Variants in EPHA3 observed in about 807,000 individuals in gnomAD.
The protein encoded by EPHA3 is EPH receptor A3.
In EPHA3, 42 loss-of-function variants were observed where a neutral mutation model predicts 107.1. The observed-to-expected ratio is 0.39, with a 90% CI of 0.31 to 0.51. The LOEUF is 0.51. EPHA3 is among the 20% of genes least tolerant of loss of function. The pLI, the probability that EPHA3 is intolerant of heterozygous loss-of-function variation, is 0.78. For missense variants in EPHA3, 1,183 were observed against 1,211.2 expected (o/e 0.98, Z 0.35); for synonymous variants, 461 against 424.8 (o/e 1.09, Z -1.05).
At chr3:89,209,546 T>A (rs1201255168) in intron 2 of EPHA3, among the ~76,000 whole-genome samples, 3 of 152,068 alleles carry the variant, frequency 2.0e-5, no homozygotes, top group African/African-American at 7.2e-5. Flanking sequence ...TATGAGAAAA[T>A]AATATTATAG....
At chr3:89,281,004 ATTATTTATTTATTTAT>A (rs372696481) in intron 3 of EPHA3, among the ~76,000 whole-genome samples, 1 of 147,280 alleles carries the variant, frequency 6.8e-6, no homozygotes, top group South Asian at 2.1e-4. Context: ...CAAGATTTTT[ATTATTTATTTATTTAT>A]TTATTTATTT....
chr3:89,459,645 C>A (rs564133962), intron 15 of EPHA3, among the ~76,000 whole-genome samples: 1 of 152,236 alleles, frequency 6.6e-6, no homozygotes, highest in African/African-American at 2.4e-5. Flanking sequence ...GCCTCAGCCT[C>A]CTGAGTATCT....
chr3:89,409,715 A>G (rs1230163757), intron 9 of EPHA3, among the ~76,000 whole-genome samples: 3 of 152,038 alleles, frequency 2.0e-5, no homozygotes, highest in Admixed American at 1.3e-4. Flanking sequence ...GGTTTATTTC[A>G]GACCTTTTAT....
intron 2 of EPHA3, among the ~76,000 whole-genome samples, chr3:89,190,179 A>G (rs1705674798): frequency 6.6e-6 from 1 of 152,056 alleles, no homozygotes; most frequent in Non-Finnish European, 1.5e-5. Context: ...TCCTTTACTT[A>G]TTTTTTTAAC....
At chr3:89,171,431 A>G (rs1043951481) in intron 2 of EPHA3, among the ~76,000 whole-genome samples, 1 of 152,294 alleles carries the variant, frequency 6.6e-6, no homozygotes, top group Admixed American at 6.5e-5. Context: ...ACAATGAAGC[A>G]AGCAATGGAT....
chr3:89,480,319 A>C lies in EPHA3; in HGVS notation c.*817A>C, dbSNP rs1282435370. ...CACTTACATATATTTTTAAAAAATG[A>C]AATCCTTTTCCTGTTCATACACTAA... On this transcript the variant is annotated 3_prime_UTR_variant, in exon 17 of 17. Coordinates refer to ENST00000336596, the MANE Select transcript of EPHA3 (RefSeq NM_005233.6). The C allele has an allele frequency of 1.3e-5, 3 of 233,044 alleles. No individual in the cohort carries two copies. The highest frequency in any genetic ancestry group is 4.4e-5 in the African/African-American group (2 of 45,324). The allele number at this position is 233,044 out of a possible 1,614,324, so 14.4% of individuals were successfully genotyped here. A position where few individuals can be genotyped will look rare whatever the true frequency, so the allele number is the denominator to read the frequency against.
At chr3:89,246,364 T>C (rs932361443) in intron 3 of EPHA3, among the ~76,000 whole-genome samples, 2 of 152,230 alleles carry the variant, frequency 1.3e-5, no homozygotes, top group African/African-American at 4.8e-5. Context: ...GTTAATTGTT[T>C]ATTTGATATG....
chr3:89,122,848 C>T (rs1707419679), intron 1 of EPHA3, among the ~76,000 whole-genome samples: 1 of 152,212 alleles, frequency 6.6e-6, no homozygotes, highest in Admixed American at 6.5e-5. Context: ...GTTCCTTTTA[C>T]TAAGAAGAAA....
chr3:89,434,749 T>G (rs1452967014), intron 13 of EPHA3, among the ~76,000 whole-genome samples: 1 of 152,218 alleles, frequency 6.6e-6, no homozygotes, highest in African/African-American at 2.4e-5. Context: ...AAATTGCTCT[T>G]TAACATTTCT....
At chr3:89,178,227 A>T (rs1705360264) in intron 2 of EPHA3, among the ~76,000 whole-genome samples, 1 of 140,502 alleles carries the variant, frequency 7.1e-6, no homozygotes, top group South Asian at 2.3e-4. Context: ...AGGGCTTATA[A>T]TCAAGAGACA....
At chr3:89,209,018 A>G (rs1239744049) in intron 2 of EPHA3, among the ~76,000 whole-genome samples, 1 of 152,220 alleles carries the variant, frequency 6.6e-6, no homozygotes, top group African/African-American at 2.4e-5. Flanking sequence ...CTAAGTTAAA[A>G]GCTTCTCAAA....
chr3:89,445,757 T>C lies in EPHA3; in HGVS notation c.2347-3468T>C, dbSNP rs549892385. 1.0e-3 allele frequency among the ~76,000 whole-genome samples: 156 copies of C among 152,300 alleles called. 1 individual carries two copies. The highest frequency in any genetic ancestry group is 3.6e-3 in the African/African-American group (150 of 41,560). ...CTGAATGACACAAGTGAAAAGACCA[T>C]ACCTACATTTCCAAAGCTAGCAAAA... On this transcript the variant is annotated intron_variant, in intron 13 of 16. Coordinates refer to ENST00000336596, the MANE Select transcript of EPHA3 (RefSeq NM_005233.6).
intron 3 of EPHA3, among the ~76,000 whole-genome samples, chr3:89,240,969 A>G (rs1704880259): frequency 6.6e-6 from 1 of 152,152 alleles, no homozygotes; most frequent in Non-Finnish European, 1.5e-5. Context: ...AAAATAATCA[A>G]ATGAAATGTT....
intron 3 of EPHA3, among the ~76,000 whole-genome samples, chr3:89,295,555 T>G (rs750561704): frequency 6.6e-6 from 1 of 152,154 alleles, no homozygotes. Context: ...CAACTAAGTT[T>G]GTGTAATATT....
chr3:89,307,378 A>T (rs1276125876), intron 3 of EPHA3, among the ~76,000 whole-genome samples: 1 of 152,192 alleles, frequency 6.6e-6, no homozygotes, highest in East Asian at 1.9e-4. Context: ...AAATAAATTA[A>T]TAAAAAAAGA....
At chr3:89,274,057 C>A (rs1249653068) in intron 3 of EPHA3, among the ~76,000 whole-genome samples, 1 of 151,936 alleles carries the variant, frequency 6.6e-6, no homozygotes, top group Admixed American at 6.6e-5. Flanking sequence ...GCATGTCAGG[C>A]AACTCAAGTT....
intron 3 of EPHA3, among the ~76,000 whole-genome samples, chr3:89,332,518 C>A (rs1576316659): frequency 6.6e-6 from 1 of 152,310 alleles, no homozygotes; most frequent in Non-Finnish European, 1.5e-5. Flanking sequence ...ACATTGCAGG[C>A]AGAGTTTAAT....
chr3:89,187,928 C>A (rs1028173235), intron 2 of EPHA3, among the ~76,000 whole-genome samples: 1 of 152,098 alleles, frequency 6.6e-6, no homozygotes, highest in Non-Finnish European at 1.5e-5. Flanking sequence ...GCACCACAAA[C>A]CTGCTTTCTT....
intron 2 of EPHA3, among the ~76,000 whole-genome samples, chr3:89,164,345 G>A (rs1353689623): frequency 6.6e-6 from 1 of 151,598 alleles, no homozygotes; most frequent in Non-Finnish European, 1.5e-5. Flanking sequence ...AAGCCATCCT[G>A]GGCCGCATGC....
Sources: gnomAD v4.1 joint callset for allele counts (sites outside exome capture counted in the v4.1 genomes callset) on GRCh38, gnomAD v4.1.1 for gene constraint, MANE v1.5 for transcripts, NCBI Gene and HGNC (gene_info 2026-07-23, HGNC 2026-07-21) for gene names.